The following KCNAB1 variants were observed in gnomAD, a reference collection of about 807,000 sequenced individuals.
KCNAB1 encodes the protein voltage-gated potassium channel subunit beta-1.
In KCNAB1, 35 loss-of-function variants were observed where a neutral mutation model predicts 64.6. That is an observed-to-expected ratio of 0.54 (90% CI 0.41 to 0.72). The LOEUF (loss-of-function observed/expected upper bound fraction) is 0.72, where lower values mean the gene tolerates loss of function less well. Ranked by LOEUF, KCNAB1 falls within the 30% of genes least tolerant of loss-of-function variation. The pLI is 0.00. For synonymous variants in KCNAB1, 177 were observed against 183.8 expected, an observed-to-expected ratio of 0.96 and a Z score of 0.30; for missense variants, 401 against 512.9, an observed-to-expected ratio of 0.78 and a Z score of 2.11.
chr3:156,127,898 T>TGTGTGTGTGTGTGTGTGTGCAC (rs1301506923), intron 1 of KCNAB1, among the ~76,000 whole-genome samples: 3 of 151,856 alleles, frequency 2.0e-5, no homozygotes. Context: ...TGTGTGTGTG[T>TGTGTGTGTGTGTGTGTGTGCAC]GTGTGTGTGT....
At chr3:156,500,386 T>C (rs1185097246) in intron 8 of KCNAB1, among the ~76,000 whole-genome samples, 1 of 152,120 alleles carries the variant, frequency 6.6e-6, no homozygotes, top group Non-Finnish European at 1.5e-5. Context: ...TCTTTTACAA[T>C]TTAAGACTTC....
At chr3:156,243,989 A>G (rs1345906527) in intron 1 of KCNAB1, among the ~76,000 whole-genome samples, 3 of 152,130 alleles carry the variant, frequency 2.0e-5, no homozygotes, top group Non-Finnish European at 4.4e-5. Context: ...CTCCTCACCC[A>G]CTATTCCACT....
chr3:156,467,014 C>T (rs572889497), intron 7 of KCNAB1, among the ~76,000 whole-genome samples: 7 of 152,050 alleles, frequency 4.6e-5, no homozygotes, highest in South Asian at 2.1e-4. Context: ...GCTGAAAATG[C>T]GTTTAATACA....
chr3:156,472,888 C>A (rs1483532747), intron 7 of KCNAB1, among the ~76,000 whole-genome samples: 1 of 152,118 alleles, frequency 6.6e-6, no homozygotes, highest in Non-Finnish European at 1.5e-5. Context: ...TAATAAATGA[C>A]AAAATCACAC....
chr3:156,452,811 A>C lies in KCNAB1; in HGVS notation c.320-88A>C. 1 of 932,506 alleles carries C rather than the reference A, an allele frequency of 1.1e-6. No individual in the cohort carries two copies. Among genetic ancestry groups the C allele is most frequent in the Non-Finnish European group, 1.7e-6 (1 of 593,482 alleles). 57.8% of individuals were successfully genotyped at this position (932,506 alleles called of 1,614,324 possible). A position where few individuals can be genotyped will look rare whatever the true frequency, so the allele number is the denominator to read the frequency against. On this transcript the variant is annotated intron_variant, in intron 2 of 13. Transcript: ENST00000490337. This position sits in a 1 kb window ranked among gnomAD's most constrained non-coding sequence, Gnocchi z 4.6. ...TGTGAACTACCCATACAACCTATTG[A>C]GGTAGTCCCAAAGTAAGAATTTCCC... is the stretch of plus-strand genomic sequence containing the variant.
chr3:156,297,759 C>CGTGTGTGT (rs146355589), intron 1 of KCNAB1, among the ~76,000 whole-genome samples: 1 of 150,718 alleles, frequency 6.6e-6, no homozygotes, highest in South Asian at 2.1e-4. Context: ...GCACTTAGCG[C>CGTGTGTGT]GTGTGTGTGT....
chr3:156,535,318 G>A (rs761836349), intron 13 of KCNAB1, among the ~76,000 whole-genome samples: 1 of 152,210 alleles, frequency 6.6e-6, no homozygotes, highest in East Asian at 1.9e-4. Flanking sequence ...CGTCAGAATT[G>A]TATTTCACCA....
chr3:156,367,873 A>C (rs1344792802), intron 1 of KCNAB1, among the ~76,000 whole-genome samples: 1 of 152,068 alleles, frequency 6.6e-6, no homozygotes, highest in Non-Finnish European at 1.5e-5. Context: ...ACAAGACAAA[A>C]ATTTGAGGTT....
chr3:156,319,371 C>G (rs1055927242), intron 1 of KCNAB1, among the ~76,000 whole-genome samples: 1 of 152,160 alleles, frequency 6.6e-6, no homozygotes, highest in Non-Finnish European at 1.5e-5. Context: ...ACCCTGGGAC[C>G]CAAGGTGGCA....
intron 2 of KCNAB1, among the ~76,000 whole-genome samples, chr3:156,436,468 T>G (rs1257056201): frequency 6.6e-6 from 1 of 152,210 alleles, no homozygotes; most frequent in Non-Finnish European, 1.5e-5. Flanking sequence ...TATTTCTGGA[T>G]CTAGGTCTTT....
chr3:156,330,747 T>A (rs928191573), intron 1 of KCNAB1, among the ~76,000 whole-genome samples: 1 of 152,106 alleles, frequency 6.6e-6, no homozygotes, highest in Admixed American at 6.6e-5. Flanking sequence ...TCCAAGCATG[T>A]TTTCTGTGGT....
At chr3:156,291,686 C>G in intron 1 of KCNAB1, 2 of 1,411,454 alleles carry the variant, frequency 1.4e-6, no homozygotes, top group Non-Finnish European at 1.8e-6. Flanking sequence ...CGTCTGTTTA[C>G]TTCTCTGGGT....
At chr3:156,160,965 A>C (rs1234602403) in intron 1 of KCNAB1, among the ~76,000 whole-genome samples, 1 of 152,254 alleles carries the variant, frequency 6.6e-6, no homozygotes, top group African/African-American at 2.4e-5. Flanking sequence ...TGTCTTTAAA[A>C]TGCTTCTACA....
At chr3:156,516,711 T>A (rs4470464) in intron 11 of KCNAB1, among the ~76,000 whole-genome samples, 2 of 152,138 alleles carry the variant, frequency 1.3e-5, no homozygotes, top group African/African-American at 4.8e-5. Context: ...ATGCAAAATC[T>A]CTTTTCTATA....
At chr3:156,141,201 T>C (rs1714685839) in intron 1 of KCNAB1, among the ~76,000 whole-genome samples, 1 of 152,092 alleles carries the variant, frequency 6.6e-6, no homozygotes, top group African/African-American at 2.4e-5. Flanking sequence ...AATAGCACAA[T>C]CAGGAAACTG....
chr3:156,472,446 T>C (rs746216979), intron 7 of KCNAB1, among the ~76,000 whole-genome samples: 65 of 152,216 alleles, frequency 4.3e-4, no homozygotes, highest in Non-Finnish European at 7.6e-4. Context: ...AACCAATGTC[T>C]TTAAATCTCA....
At chr3:156,422,649 A>G (rs1460597834) in intron 2 of KCNAB1, among the ~76,000 whole-genome samples, 1 of 152,218 alleles carries the variant, frequency 6.6e-6, no homozygotes, top group African/African-American at 2.4e-5. Flanking sequence ...ATTGTCAAGT[A>G]TGCAAATAGA....
intron 11 of KCNAB1, among the ~76,000 whole-genome samples, chr3:156,519,703 T>G (rs1324830905): frequency 1.3e-5 from 2 of 152,248 alleles, no homozygotes; most frequent in Non-Finnish European, 2.9e-5. Context: ...GTCATGACTT[T>G]CCATCTTCTC....
chr3:156,307,202 A>G (rs963135097), intron 1 of KCNAB1, among the ~76,000 whole-genome samples: 4 of 152,232 alleles, frequency 2.6e-5, no homozygotes, highest in Non-Finnish European at 5.9e-5. Flanking sequence ...GATAGAAACC[A>G]GCCAGCCAAA....
Sources: allele counts gnomAD v4.1 joint callset (sites outside exome capture counted in the v4.1 genomes callset), GRCh38; gene constraint gnomAD v4.1.1; non-coding constraint Gnocchi (gnomAD v3.1); transcripts MANE v1.5; gene names NCBI Gene and HGNC (gene_info 2026-07-23, HGNC 2026-07-21).